Variants in ST6GALNAC3 observed in about 807,000 individuals in gnomAD.
ST6GALNAC3 encodes the protein alpha-N-acetylgalactosaminide alpha-2,6-sialyltransferase 3.
In ST6GALNAC3, 25 loss-of-function variants were observed where a neutral mutation model predicts 32.7. The observed-to-expected ratio is 0.76, with a 90% confidence interval of 0.56 to 1.07. The LOEUF is 1.07. Among genes scored for constraint, ST6GALNAC3 ranks in the 50% least tolerant of loss-of-function variants. The pLI, the probability that ST6GALNAC3 is intolerant of heterozygous loss-of-function variation, is 0.00. For missense variants in ST6GALNAC3, 355 were observed against 382.4 expected (o/e 0.93, Z 0.60); for synonymous variants, 129 against 133.1 (o/e 0.97, Z 0.21).
intron 1 of ST6GALNAC3, among the ~76,000 whole-genome samples, chr1:76,127,509 G>T (rs1649330387): frequency 6.6e-6 from 1 of 152,110 alleles, no homozygotes; most frequent in South Asian, 2.1e-4. Flanking sequence ...GTGTTAAATG[G>T]ACTTGTCTAA....
chr1:76,389,011 CCTTT>C lies in ST6GALNAC3; in HGVS notation c.214-22996_214-22993del, dbSNP rs1326658878. On this transcript the variant is annotated intron_variant, in intron 2 of 4. Coordinates refer to ENST00000328299, the MANE Select transcript of ST6GALNAC3 (RefSeq NM_152996.4). The stretch of plus-strand genomic sequence containing the variant: ...GGTGTGGTTGTTAGTTGGTATATTT[CCTTT>C]TTTTTTTTTTTTTGAGACAGAGTCC... Among the ~76,000 whole-genome samples, 16 of 107,920 alleles carry C rather than the reference CCTTT, an allele frequency of 1.5e-4. 1 individual carries two copies. In the South Asian group the frequency reaches 1.7e-3, roughly 11 times the overall value. 70.8% of individuals were successfully genotyped at this position (107,920 alleles called of 152,430 possible). A position where few individuals can be genotyped will look rare whatever the true frequency, so the allele number is the denominator to read the frequency against.
chr1:76,356,169 C>A (rs543958182), intron 2 of ST6GALNAC3, among the ~76,000 whole-genome samples: 29 of 152,218 alleles, frequency 1.9e-4, no homozygotes, highest in Non-Finnish European at 2.5e-4. Flanking sequence ...CCTCTCTCCC[C>A]TTTCCAAACA....
intron 1 of ST6GALNAC3, among the ~76,000 whole-genome samples, chr1:76,176,106 T>C (rs1652832936): frequency 6.6e-6 from 1 of 152,218 alleles, no homozygotes; most frequent in African/African-American, 2.4e-5. Context: ...CTCCCTAAGA[T>C]ATGTGGTTTG....
intron 1 of ST6GALNAC3, among the ~76,000 whole-genome samples, chr1:76,172,436 G>A (rs572082896): frequency 5.9e-5 from 9 of 152,272 alleles, no homozygotes; most frequent in African/African-American, 1.9e-4. Context: ...ACAAGACCAG[G>A]ATGTCCTCTC....
At chr1:76,443,814 A>G (rs1295880197) in intron 3 of ST6GALNAC3, among the ~76,000 whole-genome samples, 1 of 152,258 alleles carries the variant, frequency 6.6e-6, no homozygotes, top group Non-Finnish European at 1.5e-5. Flanking sequence ...TAGGCATGAC[A>G]AAGAACTCAA....
rs537420406 is a variant in ST6GALNAC3, at chr1:76,337,434, G to A, written c.213+23435G>A. 3.3e-5 allele frequency among the ~76,000 whole-genome samples: 5 copies of A among 152,300 alleles called. No individual in the cohort carries two copies. The East Asian group carries it at 9.7e-4, about 30-fold the overall frequency. Reference sequence around the variant, plus strand: ...TGGGCTTGGAATCCAGGGTAACTGAGGCAGCAAACAAACTTCTGTGTGTGT... The same window carrying A: ...TGGGCTTGGAATCCAGGGTAACTGAAGCAGCAAACAAACTTCTGTGTGTGT... On this transcript the variant is annotated intron_variant, in intron 2 of 4. Transcript: ENST00000328299.
At chr1:76,144,285 T>G (rs1222508763) in intron 1 of ST6GALNAC3, among the ~76,000 whole-genome samples, 3 of 152,056 alleles carry the variant, frequency 2.0e-5, no homozygotes, top group Admixed American at 6.5e-5. Context: ...GGAAAGAGGA[T>G]GGAGGAAAGG....
intron 3 of ST6GALNAC3, among the ~76,000 whole-genome samples, chr1:76,507,818 A>G (rs1661571783): frequency 2.6e-5 from 4 of 152,222 alleles, no homozygotes; most frequent in Admixed American, 2.0e-4. Flanking sequence ...AGGTCATATG[A>G]GAATTTTATG....
Position 76,582,405 on chromosome 1 carries a change from A to G in ST6GALNAC3, c.624-45047A>G, listed in dbSNP as rs142479547. 3.2e-3 allele frequency among the ~76,000 whole-genome samples: 489 copies of G among 152,260 alleles called. 2 individuals carry two copies. Among genetic ancestry groups the G allele is most frequent in the Non-Finnish European group, 5.6e-3 (378 of 68,010 alleles). ...AAGAAATCAGGTGGACATCGGATAG[A>G]CTTTCATGACCCAGCCTTGGAAATC... On this transcript the variant is annotated intron_variant, in intron 3 of 4. Transcript: ENST00000328299.
chr1:76,202,796 T>C (rs1168819126), intron 1 of ST6GALNAC3, among the ~76,000 whole-genome samples: 1 of 152,176 alleles, frequency 6.6e-6, no homozygotes, highest in Non-Finnish European at 1.5e-5. Context: ...ATTTTCAATG[T>C]ACTGATTTGC....
chr1:76,242,635 G>T (rs1462582343), intron 1 of ST6GALNAC3, among the ~76,000 whole-genome samples: 5 of 152,044 alleles, frequency 3.3e-5, no homozygotes, highest in Non-Finnish European at 7.3e-5. Context: ...GCCCTGGTGT[G>T]TGATGTTCCC....
At chr1:76,358,973 C>G (rs1441889736) in intron 2 of ST6GALNAC3, among the ~76,000 whole-genome samples, 1 of 152,182 alleles carries the variant, frequency 6.6e-6, no homozygotes, top group Non-Finnish European at 1.5e-5. Context: ...ATCAAATCCA[C>G]TATTAGAGTC....
chr1:76,126,141 G>A (rs546697987), intron 1 of ST6GALNAC3, among the ~76,000 whole-genome samples: 15 of 152,208 alleles, frequency 9.9e-5, no homozygotes, highest in African/African-American at 3.4e-4. Flanking sequence ...CAAGAGTCTC[G>A]CTGATAAGGA....
chr1:76,630,393 A>G lies in ST6GALNAC3; in HGVS notation c.*1587A>G, dbSNP rs1649231743. On this transcript the variant is annotated 3_prime_UTR_variant, in exon 5 of 5. Transcript: ENST00000328299. ...AAAGCAGGGACAACAGGAGGAAATG[A>G]AGGCAGAGAAATATAGTTTCCTTTC... 2.3e-5 allele frequency: 23 copies of G among 985,138 alleles called. No homozygotes were observed. The highest frequency in any genetic ancestry group is 2.4e-5 in the Non-Finnish European group (20 of 829,840). 61.0% of individuals were successfully genotyped at this position (985,138 alleles called of 1,614,324 possible).
chr1:76,582,054 A>G (rs1293476400), intron 3 of ST6GALNAC3, among the ~76,000 whole-genome samples: 4 of 152,128 alleles, frequency 2.6e-5, no homozygotes, highest in Non-Finnish European at 4.4e-5. Flanking sequence ...GGGCTAATTG[A>G]TAAGTTGAAA....
At chr1:76,505,298 A>G (rs2101737940) in intron 3 of ST6GALNAC3, among the ~76,000 whole-genome samples, 1 of 151,678 alleles carries the variant, frequency 6.6e-6, no homozygotes, top group South Asian at 2.1e-4. Flanking sequence ...AATTTTTTGT[A>G]TTTTTACTAG....
intron 1 of ST6GALNAC3, among the ~76,000 whole-genome samples, chr1:76,182,437 A>G (rs1057422375): frequency 6.6e-6 from 1 of 152,190 alleles, no homozygotes; most frequent in South Asian, 2.1e-4. Context: ...AGTGCCATTC[A>G]TAAAACTTTT....
At chr1:76,259,384 G>T (rs573012505) in intron 1 of ST6GALNAC3, among the ~76,000 whole-genome samples, 1 of 152,274 alleles carries the variant, frequency 6.6e-6, no homozygotes, top group East Asian at 1.9e-4. Flanking sequence ...CACTGAGTGG[G>T]AATGATTACT....
intron 3 of ST6GALNAC3, among the ~76,000 whole-genome samples, chr1:76,469,776 C>T (rs1378289114): frequency 6.6e-6 from 1 of 152,054 alleles, no homozygotes; most frequent in African/African-American, 2.4e-5. Flanking sequence ...TAGTAAACTT[C>T]TAGAATGAAA....
Sources: gnomAD v4.1 joint callset for allele counts (sites outside exome capture counted in the v4.1 genomes callset) on GRCh38, gnomAD v4.1.1 for gene constraint, MANE v1.5 for transcripts, NCBI Gene and HGNC (gene_info 2026-07-23, HGNC 2026-07-21) for gene names.